ST7: variants seen among roughly 807,000 people sequenced by gnomAD.
ST7 encodes suppressor of tumorigenicity 7 protein.
ST7 carries 28 observed loss-of-function variants against 78.7 expected under a neutral mutation model. The ratio of observed to expected loss-of-function variants is 0.36; its 90% CI spans 0.26 to 0.49. The LOEUF (loss-of-function observed/expected upper bound fraction) is 0.49. Ranked by LOEUF, ST7 falls within the 20% of genes least tolerant of loss-of-function variation. The pLI, the probability that ST7 is intolerant of heterozygous loss-of-function variation, is 0.99. For synonymous variants in ST7, 247 were observed against 249.6 expected (o/e 0.99, Z 0.10); for missense variants, 418 against 696.0 (o/e 0.60, Z 4.49).
intron 1 of ST7, among the ~76,000 whole-genome samples, chr7:116,995,097 C>T (rs145785834): frequency 1.9e-4 from 29 of 152,208 alleles, no homozygotes; most frequent in Non-Finnish European, 4.1e-4. Flanking sequence ...CCTTTCTACA[C>T]CTTTATTAAA....
intron 10 of ST7, among the ~76,000 whole-genome samples, chr7:117,177,446 C>T (rs1351819394): frequency 6.6e-6 from 1 of 152,190 alleles, no homozygotes; most frequent in African/African-American, 2.4e-5. Flanking sequence ...AACATCCCTC[C>T]CCAGCCAGCC....
At chr7:116,961,861 C>T (rs1228862354) in intron 1 of ST7, among the ~76,000 whole-genome samples, 1 of 151,558 alleles carries the variant, frequency 6.6e-6, no homozygotes, top group African/African-American at 2.4e-5. Context: ...TGGTTTGCTG[C>T]ACCTATCAAC....
At chr7:117,223,100 T>C in intron 15 of ST7, 2 of 699,674 alleles carry the variant, frequency 2.9e-6, no homozygotes, top group Non-Finnish European at 5.1e-6. Flanking sequence ...CTTCCCTCTC[T>C]CACTCCCCAC....
At chr7:116,954,998 G>T in intron 1 of ST7, 1 of 375,500 alleles carries the variant, frequency 2.7e-6, no homozygotes. Flanking sequence ...GTGTCCCTGG[G>T]AGGCGGATAG....
chr7:117,228,904 G>A (rs1310872888), intron 15 of ST7, among the ~76,000 whole-genome samples: 1 of 152,106 alleles, frequency 6.6e-6, no homozygotes, highest in Non-Finnish European at 1.5e-5. Context: ...CAGAGAGAGG[G>A]CAATGAAACC....
chr7:117,136,304 T>G (rs1584440884), intron 8 of ST7, 69 bp downstream of exon 8: 1 of 1,583,014 alleles, frequency 6.3e-7, no homozygotes, highest in Non-Finnish European at 8.7e-7. Context: ...GAGCAAATTT[T>G]TAGTCCAGTT....
At chr7:116,964,253 C>T (rs1424861045) in intron 1 of ST7, among the ~76,000 whole-genome samples, 1 of 152,158 alleles carries the variant, frequency 6.6e-6, no homozygotes, top group Non-Finnish European at 1.5e-5. Context: ...TAGTAGAATG[C>T]TTACAGTTCT....
At chr7:116,964,829 A>C (rs943792431) in intron 1 of ST7, among the ~76,000 whole-genome samples, 1 of 152,248 alleles carries the variant, frequency 6.6e-6, no homozygotes, top group African/African-American at 2.4e-5. Flanking sequence ...GAAGTTGTAT[A>C]TGCATTATCA....
At chr7:117,015,678 T>TG (rs1326987018) in intron 1 of ST7, among the ~76,000 whole-genome samples, 1 of 152,134 alleles carries the variant, frequency 6.6e-6, no homozygotes, top group Non-Finnish European at 1.5e-5. Context: ...TTCCCTTACA[T>TG]CTGGTAGGGT....
intron 13 of ST7, among the ~76,000 whole-genome samples, chr7:117,215,453 G>A (rs1250049787): frequency 6.6e-6 from 1 of 152,158 alleles, no homozygotes. Context: ...GAGGGATATG[G>A]GGGAAAGAGA....
At chr7:117,186,184 T>C (rs1240374304) in intron 10 of ST7, among the ~76,000 whole-genome samples, 2 of 152,190 alleles carry the variant, frequency 1.3e-5, no homozygotes, top group African/African-American at 4.8e-5. Context: ...CGGTGTATGA[T>C]TTTTTTCTTT....
chr7:117,137,982 A>G (rs779500432), intron 8 of ST7, among the ~76,000 whole-genome samples: 8 of 152,120 alleles, frequency 5.3e-5, no homozygotes, highest in Admixed American at 1.3e-4. Flanking sequence ...GGAGATGATT[A>G]TGATGTCACT....
chr7:117,092,041 C>T (rs888533505), intron 1 of ST7, among the ~76,000 whole-genome samples: 7 of 152,110 alleles, frequency 4.6e-5, no homozygotes, highest in South Asian at 4.1e-4. Context: ...ATCTCTCTGT[C>T]TGCCACCAAC....
intron 1 of ST7, among the ~76,000 whole-genome samples, chr7:116,981,175 C>G (rs1793942225): frequency 2.0e-5 from 3 of 151,960 alleles, no homozygotes; most frequent in Non-Finnish European, 4.4e-5. Flanking sequence ...GTGGTGTGAT[C>G]ATGGCTCACT....
At chr7:117,103,148 A>G (rs1801691605) in intron 2 of ST7, among the ~76,000 whole-genome samples, 1 of 152,198 alleles carries the variant, frequency 6.6e-6, no homozygotes, top group Non-Finnish European at 1.5e-5. Flanking sequence ...CAAAATGACA[A>G]TACTCTGTGA....
chr7:117,072,013 T>C (rs1201003326), intron 1 of ST7: 3 of 152,206 alleles, frequency 2.0e-5, no homozygotes, highest in African/African-American at 7.2e-5. Context: ...CTATTTAATA[T>C]ACTCAAATGA....
chr7:117,127,016 G>C (rs866854281), intron 3 of ST7, among the ~76,000 whole-genome samples: 5 of 151,820 alleles, frequency 3.3e-5, no homozygotes, highest in Admixed American at 1.3e-4. Flanking sequence ...GAACTATAGA[G>C]AGCATGTTTG....
chr7:117,106,080 G>A (rs1488174717), intron 2 of ST7, among the ~76,000 whole-genome samples: 1 of 151,970 alleles, frequency 6.6e-6, no homozygotes, highest in African/African-American at 2.4e-5. Flanking sequence ...CTCACTGCAA[G>A]CTCCGCTTCC....
At chr7:117,025,405 G>A (rs1201331157) in intron 1 of ST7, among the ~76,000 whole-genome samples, 5 of 152,102 alleles carry the variant, frequency 3.3e-5, no homozygotes. Context: ...TTTGTCATAT[G>A]AAACTAGGTA....
Sources: gnomAD v4.1 joint callset for allele counts (sites outside exome capture counted in the v4.1 genomes callset) on GRCh38, gnomAD v4.1.1 for gene constraint, MANE v1.5 for transcripts, NCBI Gene and HGNC (gene_info 2026-07-23, HGNC 2026-07-21) for gene names.